Variants in MARCOL observed in about 807,000 individuals in gnomAD.
MARCOL encodes the protein MARCO-like protein.
Position 148,242,668 on chromosome 5 carries a change from G to A in MARCOL, c.272G>A (p.Gly91Glu). 2.5e-6 allele frequency: 1 copy of A among 398,340 alleles called. No homozygotes were observed. Among genetic ancestry groups the A allele is most frequent in the Non-Finnish European group, 4.4e-6 (1 of 225,936 alleles). 24.7% of individuals were successfully genotyped at this position (398,340 alleles called of 1,614,324 possible). The change falls in exon 2 of 2, where the codon GGG becomes GAG. Residue 91 changes from glycine to glutamate, a missense_variant. Coordinates refer to ENST00000638089, the MANE Select transcript of MARCOL (RefSeq NM_001363511.2). ...GAGAAACCAAGACATTTTAAGCAAGGGAGAGCAGGAGTTTTAAACCAGCCT... is the reference window on the plus strand; with the variant it reads ...GAGAAACCAAGACATTTTAAGCAAGAGAGAGCAGGAGTTTTAAACCAGCCT... ...KLEKPRHFKQ[G>E]RAGVLNQPGI...
chr5:148,239,995 T>C (rs1175642080), intron 1 of MARCOL, among the ~76,000 whole-genome samples: 1 of 151,940 alleles, frequency 6.6e-6, no homozygotes, highest in African/African-American at 2.4e-5. Flanking sequence ...TTCCAAGTTT[T>C]TAGCTTAAAA....
At position 148,243,150 on chromosome 5, in the gene MARCOL, T is replaced by C; in HGVS notation, c.754T>C (p.Ser252Pro). 1 of 399,402 alleles carries C rather than the reference T, an allele frequency of 2.5e-6. No individual in the cohort carries two copies. Among genetic ancestry groups the C allele is most frequent in the Non-Finnish European group, 4.4e-6 (1 of 226,680 alleles). 24.7% of individuals were successfully genotyped at this position (399,402 alleles called of 1,614,324 possible). ...LSSHQGKPGS[S>P]SQQGNLHLSS... Reference sequence around the variant, plus strand: ...TAGCCATCAAGGGAAGCCAGGGTCATCTAGCCAACAAGGAAATCTACATTT... The same window carrying C: ...TAGCCATCAAGGGAAGCCAGGGTCACCTAGCCAACAAGGAAATCTACATTT... Residue 252 changes from serine to proline, a missense_variant, in exon 2 of 2, where the codon TCT becomes CCT. Ser to Pro is a moderately conservative substitution (Grantham distance 74, BLOSUM62 -1). Transcript: ENST00000638089.
At position 148,243,308 on chromosome 5, in the gene MARCOL, G is replaced by T. The variant is rs1755989688; in HGVS notation, c.*54G>T. 2.0e-5 allele frequency: 8 copies of T among 396,914 alleles called. No homozygotes were observed. The East Asian group carries it at 2.9e-4, about 14-fold the overall frequency. 24.6% of individuals were successfully genotyped at this position (396,914 alleles called of 1,614,324 possible). A position where few individuals can be genotyped will look rare whatever the true frequency, so the allele number is the denominator to read the frequency against. The stretch of plus-strand genomic sequence containing the variant: ...CTCCTAGCCAACAGGAGAAGCCAGA[G>T]TCTTCTAGCCAACAAGGGAATCTAG... On this transcript the variant is annotated 3_prime_UTR_variant, in exon 2 of 2. Coordinates refer to ENST00000638089, the MANE Select transcript of MARCOL (RefSeq NM_001363511.2).
intron 1 of MARCOL, among the ~76,000 whole-genome samples, chr5:148,241,395 A>AG (rs1278724874): frequency 6.6e-6 from 1 of 151,570 alleles, no homozygotes; most frequent in Non-Finnish European, 1.5e-5. Flanking sequence ...AAATACCAAA[A>AG]AAACCTATGC....
At chr5:148,241,259 C>T (rs1479734968) in intron 1 of MARCOL, among the ~76,000 whole-genome samples, 2 of 151,598 alleles carry the variant, frequency 1.3e-5, no homozygotes, top group Non-Finnish European at 2.9e-5. Context: ...CTTAAATTGA[C>T]TTGAAGGTAT....
Position 148,243,501 on chromosome 5 carries a change from T to C in MARCOL, c.*247T>C, listed in dbSNP as rs780307468. ...TAGCCAGCAAGGAAATATAGGGTCA[T>C]CTGGCCAGGAATGGAAGCCAGAGCC... is the stretch of plus-strand genomic sequence containing the variant. On this transcript the variant is annotated 3_prime_UTR_variant, in exon 2 of 2. Coordinates refer to ENST00000638089, the MANE Select transcript of MARCOL (RefSeq NM_001363511.2). The C allele has an allele frequency of 2.2e-5, 8 of 368,174 alleles. No homozygotes were observed. The highest frequency in any genetic ancestry group is 3.4e-5 in the Non-Finnish European group (7 of 207,462). The allele number at this position is 368,174 out of a possible 1,614,324, so 22.8% of individuals were successfully genotyped here. A position where few individuals can be genotyped will look rare whatever the true frequency, so the allele number is the denominator to read the frequency against.
chr5:148,241,152 G>A (rs202009906), intron 1 of MARCOL, among the ~76,000 whole-genome samples: 2 of 43,800 alleles, frequency 4.6e-5, no homozygotes, highest in African/African-American at 7.2e-5. Context: ...AGTTAAGCAG[G>A]TTGCTAAGCT....
At position 148,242,586 on chromosome 5, in the gene MARCOL, C is replaced by G. The variant is rs1201802034; in HGVS notation, c.190C>G (p.Gln64Glu). The G allele has an allele frequency of 7.5e-6, 3 of 398,140 alleles. No individual in the cohort carries two copies. The highest frequency in any genetic ancestry group is 1.3e-5 in the Non-Finnish European group (3 of 225,894). 24.7% of individuals were successfully genotyped at this position (398,140 alleles called of 1,614,324 possible). ...TAATAAGCAAGGAGGTAGTTATACACAAGGAAATCCAGGAACGTTTAGGCT... is the reference window on the plus strand; with the variant it reads ...TAATAAGCAAGGAGGTAGTTATACAGAAGGAAATCCAGGAACGTTTAGGCT... ...DSNKQGGSYT[Q>E]GNPGTFRLQG... The change falls in exon 2 of 2, where the codon CAA (glutamine) becomes GAA (glutamate). Residue 64 changes from glutamine to glutamate, a missense_variant. Transcript: ENST00000638089.
Position 148,243,067 on chromosome 5 carries a change from C to G in MARCOL, c.671C>G (p.Thr224Ser). Reference sequence around the variant, plus strand: ...TCTAGCCAACAAGGAAATCTAGGAACTTCTGGCCAACAGGAGAAGCCAGGA... The same window carrying G: ...TCTAGCCAACAAGGAAATCTAGGAAGTTCTGGCCAACAGGAGAAGCCAGGA... Reference protein sequence around the residue: ...GSSSQQGNLGTSGQQEKPGSS... With the variant: ...GSSSQQGNLGSSGQQEKPGSS... The change falls in exon 2 of 2, where the codon ACT becomes AGT. Residue 224 changes from threonine to serine, a missense_variant. By Grantham distance (58) the Thr-to-Ser change is moderately conservative (BLOSUM62 1). Coordinates refer to ENST00000638089, the MANE Select transcript of MARCOL (RefSeq NM_001363511.2). 5.0e-6 allele frequency: 2 copies of G among 397,024 alleles called. No individual in the cohort carries two copies. The highest frequency in any genetic ancestry group is 8.9e-6 in the Non-Finnish European group (2 of 224,992). The allele number at this position is 397,024 out of a possible 1,614,324, so 24.6% of individuals were successfully genotyped here.
chr5:148,243,345 T>TATCAAGGGAAGCCAGTGACATCTAGCC lies in MARCOL; in HGVS notation c.*108_*109insACATCTAGCCATCAAGGGAAGCCAGTG, dbSNP rs1755990323. 3.1e-6 allele frequency: 1 copy of TATCAAGGGAAGCCAGTGACATCTAGCC among 326,840 alleles called. No individual in the cohort carries two copies. Among genetic ancestry groups the TATCAAGGGAAGCCAGTGACATCTAGCC allele is most frequent in the Non-Finnish European group, 5.5e-6 (1 of 182,454 alleles). 20.2% of individuals were successfully genotyped at this position (326,840 alleles called of 1,614,324 possible). On this transcript the variant is annotated 3_prime_UTR_variant, in exon 2 of 2. Transcript: ENST00000638089. ...ACAAGGGAATCTAGGGTCATCTAGCTATCAAGGGAAGCCAGTGTCATCTAG... is the reference window on the plus strand; with the variant it reads ...ACAAGGGAATCTAGGGTCATCTAGCTATCAAGGGAAGCCAGTGACATCTAGCCATCAAGGGAAGCCAGTGTCATCTAG...
intron 1 of MARCOL, among the ~76,000 whole-genome samples, chr5:148,241,399 C>G (rs200212191): frequency 8.3e-5 from 10 of 120,418 alleles, no homozygotes; most frequent in Non-Finnish European, 1.5e-4. Context: ...ACCAAAAAAA[C>G]CTATGCAGAA....
intron 1 of MARCOL, among the ~76,000 whole-genome samples, chr5:148,241,236 T>C (rs924276779): frequency 6.6e-6 from 1 of 151,890 alleles, no homozygotes; most frequent in African/African-American, 2.4e-5. Context: ...CAATTGACTA[T>C]CATTTGACTT....
At chr5:148,239,134 G>A (rs569903311) in intron 1 of MARCOL, among the ~76,000 whole-genome samples, 8 of 151,920 alleles carry the variant, frequency 5.3e-5, no homozygotes, top group South Asian at 4.2e-4. Context: ...TTCCTATAGA[G>A]TTATTTCGGG....
chr5:148,241,320 G>A (rs189058767), intron 1 of MARCOL, among the ~76,000 whole-genome samples: 2 of 151,876 alleles, frequency 1.3e-5, no homozygotes, highest in African/African-American at 4.8e-5. Context: ...AAATTCAAGT[G>A]AGACCCTAAG....
At chr5:148,242,370 C>A in intron 1 of MARCOL, 76 bp from the exon 2 acceptor site, 1 of 395,904 alleles carries the variant, frequency 2.5e-6, no homozygotes, top group East Asian at 3.6e-5. Flanking sequence ...ATATCTTGGA[C>A]AAATGTTGTT....
At position 148,242,437 on chromosome 5, in the gene MARCOL, T is replaced by C. The variant is rs1755976521; in HGVS notation, c.50-9T>C. On this transcript the variant is annotated splice_polypyrimidine_tract_variant and intron_variant, in intron 1 of 1. Transcript: ENST00000638089. ...TTTTCATTTTTTTCTGGTTGTGTTA[T>C]TATTCCAGCATCTTCAACCCAGATT... 2.5e-6 allele frequency: 1 copy of C among 398,004 alleles called. No homozygotes were observed. The highest frequency in any genetic ancestry group is 2.1e-5 in the African/African-American group (1 of 48,592). 24.7% of individuals were successfully genotyped at this position (398,004 alleles called of 1,614,324 possible).
At chr5:148,239,573 T>C (rs1279521733) in intron 1 of MARCOL, among the ~76,000 whole-genome samples, 1 of 151,722 alleles carries the variant, frequency 6.6e-6, no homozygotes, top group Non-Finnish European at 1.5e-5. Flanking sequence ...GTGGTAATAC[T>C]AAAAATGAAT....
At chr5:148,239,924 C>T (rs968021020) in intron 1 of MARCOL, among the ~76,000 whole-genome samples, 1 of 151,678 alleles carries the variant, frequency 6.6e-6, no homozygotes, top group Non-Finnish European at 1.5e-5. Context: ...ATACTAAGCG[C>T]ATCCTAGAGT....
At chr5:148,239,960 C>T (rs559830789) in intron 1 of MARCOL, among the ~76,000 whole-genome samples, 5 of 151,682 alleles carry the variant, frequency 3.3e-5, no homozygotes, top group Non-Finnish European at 7.4e-5. Context: ...GGAAAAAATA[C>T]AAAACAAAGC....
Sources: gnomAD v4.1 joint callset for allele counts (sites outside exome capture counted in the v4.1 genomes callset) on GRCh38, gnomAD v4.1.1 for gene constraint, MANE v1.5 for transcripts, NCBI Gene and HGNC (gene_info 2026-07-23, HGNC 2026-07-21) for gene names.